AGAP2: variants seen among roughly 807,000 people sequenced by gnomAD.
AGAP2 encodes the protein ArfGAP with GTPase domain, ankyrin repeat and PH domain 2.
AGAP2 carries 32 observed loss-of-function variants against 110.9 expected under a neutral mutation model. That is an observed-to-expected ratio of 0.29 (90% CI 0.22 to 0.39). AGAP2 has a LOEUF of 0.39. Among genes scored for constraint, AGAP2 ranks in the 10% least tolerant of loss-of-function variants. AGAP2 has a pLI of 1.00. For synonymous variants in AGAP2, 702 were observed against 713.0 expected (o/e 0.98, Z 0.25); for missense variants, 1,285 against 1,638.5 (o/e 0.78, Z 3.72).
At position 57,731,592 on chromosome 12, in the gene AGAP2, C is replaced by T. The variant is rs140471383; in HGVS notation, c.2004G>A (p.Glu668=). 1.4e-3 allele frequency: 2,206 copies of T among 1,614,108 alleles called. 35 individuals are homozygous for T. The South Asian group carries it at 0.018, about 13-fold the overall frequency. ...SEKRSLDSRG[E]TTGSGRAIPI... The stretch of plus-strand genomic sequence containing the variant: ...GGATGGCTCGCCCACTCCCTGTTGT[C>T]TCTCCCCGACTATCCAAGCTTCGTT... The change falls in exon 9 of 19, where the codon GAG becomes GAA. Residue 668 remains glutamate (E), a synonymous_variant. Transcript: ENST00000547588.
intron 1 of AGAP2, among the ~76,000 whole-genome samples, chr12:57,736,330 G>A (rs1954981380): frequency 6.6e-6 from 1 of 152,146 alleles, no homozygotes; most frequent in African/African-American, 2.4e-5. Flanking sequence ...CCCTGCCCCC[G>A]TAAAAAACAC....
In AGAP2 at chr12:57,731,563, A is replaced by G. The variant is rs1954885227; in HGVS notation, c.2033T>C (p.Ile678Thr). 1 of 1,613,910 alleles carries G rather than the reference A, an allele frequency of 6.2e-7. No homozygotes were observed. Among genetic ancestry groups the G allele is most frequent in the Non-Finnish European group, 8.5e-7 (1 of 1,180,006 alleles). The change falls in exon 9 of 19, where the codon ATC becomes ACC. Residue 678 changes from isoleucine (I) to threonine (T), a missense_variant. Physicochemically the swap from Ile to Thr is moderately conservative, Grantham distance 89. Around this residue, in one of 7 missense-constraint regions of AGAP2, gnomAD observed 24 missense variants for 69.5 expected, o/e 0.35. Transcript: ENST00000547588. ...AGCCCCTGGATCACTCACCTGTTTG[A>G]TGGGGATGGCTCGCCCACTCCCTGT... Reference protein sequence around the residue: ...ETTGSGRAIPIKQSFLLKRSG... With the variant: ...ETTGSGRAIPTKQSFLLKRSG...
intron 5 of AGAP2, among the ~76,000 whole-genome samples, chr12:57,733,556 C>A (rs1346229093): frequency 6.6e-6 from 1 of 152,194 alleles, no homozygotes; most frequent in Non-Finnish European, 1.5e-5. Context: ...TCTCTGAGAA[C>A]TAAAAGGTTT....
Position 57,726,247 on chromosome 12 carries a change from AG to A in AGAP2, c.*304del, listed in dbSNP as rs1474645745. The stretch of plus-strand genomic sequence containing the variant: ...CACAAGCGGGCATGTCCAAGCGCCT[AG>A]GAGCCCGTACCGCTGGGGACCTCCC... On this transcript the variant is annotated 3_prime_UTR_variant, in exon 19 of 19. Coordinates refer to ENST00000547588, the MANE Select transcript of AGAP2 (RefSeq NM_001122772.3). This position sits in a 1 kb window ranked among gnomAD's most constrained non-coding sequence, Gnocchi z 5.7. The A allele has an allele frequency of 1.0e-5, 2 of 191,830 alleles. No homozygotes were observed. The highest frequency in any genetic ancestry group is 2.5e-4 in the East Asian group (2 of 8,124). The allele number at this position is 191,830 out of a possible 1,614,324, so 11.9% of individuals were successfully genotyped here.
chr12:57,726,547 G>C lies in AGAP2; in HGVS notation c.*5C>G. 8.2e-7 allele frequency: 1 copy of C among 1,214,364 alleles called. No homozygotes were observed. Among genetic ancestry groups the C allele is most frequent in the Non-Finnish European group, 1.0e-6 (1 of 975,096 alleles). The allele number at this position is 1,214,364 out of a possible 1,614,324, so 75.2% of individuals were successfully genotyped here. Reference sequence around the variant, plus strand: ...GGGGATGGGGGTGTCTCTCCCGCTGGGCAACTATACCAGCGCAACCGGGGC... The same window carrying C: ...GGGGATGGGGGTGTCTCTCCCGCTGCGCAACTATACCAGCGCAACCGGGGC... On this transcript the variant is annotated 3_prime_UTR_variant, in exon 19 of 19. Coordinates refer to ENST00000547588, the MANE Select transcript of AGAP2 (RefSeq NM_001122772.3). This position sits in a 1 kb window ranked among gnomAD's most constrained non-coding sequence, Gnocchi z 5.7.
chr12:57,735,967 G>A (rs1280467592), intron 1 of AGAP2, among the ~76,000 whole-genome samples: 2 of 152,166 alleles, frequency 1.3e-5, no homozygotes, highest in Non-Finnish European at 1.5e-5. Flanking sequence ...AAGGGAAAGA[G>A]CTAGGATTTT....
intron 1 of AGAP2, among the ~76,000 whole-genome samples, chr12:57,736,556 G>T (rs1236769460): frequency 6.6e-6 from 1 of 152,134 alleles, no homozygotes; most frequent in Admixed American, 6.5e-5. Context: ...CTCGCGTACC[G>T]CCCAATCCGC....
In AGAP2 at chr12:57,726,433, G is replaced by C. The variant is rs1009575086; in HGVS notation, c.*119C>G. The C allele has an allele frequency of 2.0e-6, 2 of 1,022,326 alleles. No homozygotes were observed. Among genetic ancestry groups the C allele is most frequent in the South Asian group, 4.8e-5 (1 of 20,662 alleles). The allele number at this position is 1,022,326 out of a possible 1,614,324, so 63.3% of individuals were successfully genotyped here. A position where few individuals can be genotyped will look rare whatever the true frequency, so the allele number is the denominator to read the frequency against. On this transcript the variant is annotated 3_prime_UTR_variant, in exon 19 of 19. Coordinates refer to ENST00000547588, the MANE Select transcript of AGAP2 (RefSeq NM_001122772.3). The surrounding 1 kb of genome is among the most constrained non-coding windows in gnomAD (Gnocchi z 5.7). ...GGCTGTGCCCTCGTGGGGGTAGGAA[G>C]TGCTCCCGTGGGGCGGGGTGCGGAT...
chr12:57,732,308 C>A, intron 7 of AGAP2, 95 bp downstream of exon 7: 1 of 1,182,562 alleles, frequency 8.5e-7, no homozygotes, highest in South Asian at 1.4e-5. Context: ...TTTCCCCACT[C>A]CCTGAACCTC....
intron 2 of AGAP2, 98 bp downstream of exon 2, chr12:57,735,271 G>A: frequency 3.9e-6 from 2 of 509,660 alleles, no homozygotes; most frequent in Non-Finnish European, 6.1e-6. Flanking sequence ...TATTCCCAAA[G>A]AGAGAGAGAG....
Position 57,735,522 on chromosome 12 carries a change from C to CG in AGAP2, c.1169-96_1169-95insC, listed in dbSNP as rs1555199452. ...CTCCTCCCTCTGCAGCTTTCCAACC[C>CG]CCCCCCAACCCTGCCTGCACTGGAG... is the stretch of plus-strand genomic sequence containing the variant. On this transcript the variant is annotated intron_variant, in intron 1 of 18. Transcript: ENST00000547588. The CG allele has an allele frequency of 4.7e-5, 54 of 1,157,984 alleles. No homozygotes were observed. The East Asian group carries it at 1.3e-3, about 28-fold the overall frequency. 71.7% of individuals were successfully genotyped at this position (1,157,984 alleles called of 1,614,324 possible). A position where few individuals can be genotyped will look rare whatever the true frequency, so the allele number is the denominator to read the frequency against.
In AGAP2 at chr12:57,737,277, G is replaced by A. The variant is rs774365995; in HGVS notation, c.970C>T (p.Pro324Ser). The change falls in exon 1 of 19, where the codon CCA (proline) becomes TCA (serine). Residue 324 changes from proline (P) to serine (S), a missense_variant. Transcript: ENST00000547588. The surrounding 1 kb of genome is among the most constrained non-coding windows in gnomAD (Gnocchi z 5.9). Reference sequence around the variant, plus strand: ...CGGCCCCGTTTCAGCCCCGGAGCTGGAGGCTCCAGAGTGATTGGAGGTGCA... The same window carrying A: ...CGGCCCCGTTTCAGCCCCGGAGCTGAAGGCTCCAGAGTGATTGGAGGTGCA... ...GPAPPITLEPPAPGLKRGREG... is the reference protein window; with the variant it reads ...GPAPPITLEPSAPGLKRGREG... 102 of 1,613,344 alleles carry A rather than the reference G, an allele frequency of 6.3e-5. No homozygotes were observed. The highest frequency in any genetic ancestry group is 8.5e-5 in the Non-Finnish European group (100 of 1,179,800).
Position 57,728,357 on chromosome 12 carries a change from G to A in AGAP2, c.2578C>T (p.Leu860=). Residue 860 remains leucine, a synonymous_variant, in exon 14 of 19, where the codon CTA becomes TTA. Transcript: ENST00000547588. The stretch of plus-strand genomic sequence containing the variant: ...TTTCTTAAACTACCAAAGGATTTTA[G>A]TTTCCACATTTTGCGCTTGGCTGGT... ...QAEAKRKMWK[L]KSFGSLRNIY... 2 of 1,613,956 alleles carry A rather than the reference G, an allele frequency of 1.2e-6. No individual in the cohort carries two copies. The highest frequency in any genetic ancestry group is 1.7e-6 in the Non-Finnish European group (2 of 1,179,880).
chr12:57,734,951 T>G (rs1001248577), intron 2 of AGAP2, among the ~76,000 whole-genome samples: 2 of 151,528 alleles, frequency 1.3e-5, no homozygotes, highest in Admixed American at 6.6e-5. Flanking sequence ...CAGTACCAGC[T>G]TTTTTGTGTG....
chr12:57,732,074 A>G (rs1954897536), intron 7 of AGAP2, 107 bp from the exon 8 acceptor site: 3 of 1,277,788 alleles, frequency 2.3e-6, no homozygotes. Context: ...TCACCTCACC[A>G]TTTATTTATG....
chr12:57,729,828 T>C (rs1339793372), intron 12 of AGAP2, 61 bp from the exon 13 acceptor site: 1 of 1,546,770 alleles, frequency 6.5e-7, no homozygotes, highest in South Asian at 1.3e-5. Context: ...GATTTCTTGA[T>C]AGCCTGTCTC....
intron 1 of AGAP2, among the ~76,000 whole-genome samples, chr12:57,736,849 G>A (rs974753631): frequency 1.3e-5 from 2 of 152,204 alleles, no homozygotes; most frequent in African/African-American, 4.8e-5. Flanking sequence ...AGAAAGCTCT[G>A]AGGCTGAGTC....
chr12:57,726,521 T>C lies in AGAP2; in HGVS notation c.*31A>G, dbSNP rs966933414. 30 of 1,209,520 alleles carry C rather than the reference T, an allele frequency of 2.5e-5. No homozygotes were observed. The highest frequency in any genetic ancestry group is 3.0e-5 in the Non-Finnish European group (29 of 972,186). The allele number at this position is 1,209,520 out of a possible 1,614,324, so 74.9% of individuals were successfully genotyped here. ...CCGGTGTGGTCGTGCCCGGCCCGCG[T>C]GGGGATGGGGGTGTCTCTCCCGCTG... On this transcript the variant is annotated 3_prime_UTR_variant, in exon 19 of 19. Transcript: ENST00000547588. The surrounding 1 kb of genome is among the most constrained non-coding windows in gnomAD (Gnocchi z 5.7).
chr12:57,734,622 C>T lies in AGAP2; in HGVS notation c.1285G>A (p.Gly429Ser). ...GTCTTCTCCAGCACCTGGTATGAGC[C>T]AGTCAGGAATCGGTGGATGAGCGAT... ...KSSLIHRFLTGSYQVLEKTES... is the reference protein window; with the variant it reads ...KSSLIHRFLTSSYQVLEKTES... The change falls in exon 3 of 19, where the codon GGC (glycine) becomes AGC (serine). Residue 429 changes from glycine to serine, a missense_variant. By Grantham distance (56) the Gly-to-Ser change is moderately conservative. Coordinates refer to ENST00000547588, the MANE Select transcript of AGAP2 (RefSeq NM_001122772.3). 1 of 1,614,212 alleles carries T rather than the reference C, an allele frequency of 6.2e-7. No individual in the cohort carries two copies. Among genetic ancestry groups the T allele is most frequent in the Non-Finnish European group, 8.5e-7 (1 of 1,180,054 alleles).
Sources: allele counts gnomAD v4.1 joint callset (sites outside exome capture counted in the v4.1 genomes callset), GRCh38; gene constraint gnomAD v4.1.1; regional missense constraint gnomAD v4.1.1; non-coding constraint Gnocchi (gnomAD v3.1); transcripts MANE v1.5; gene names NCBI Gene and HGNC (gene_info 2026-07-23, HGNC 2026-07-21).